The following GOLGA6L7 variants were observed in gnomAD, a reference collection of about 807,000 sequenced individuals.
The protein encoded by GOLGA6L7 is golgin subfamily A member 6-like protein 7.
In GOLGA6L7, 29 loss-of-function variants were observed where a neutral mutation model predicts 68.9. The ratio of observed to expected loss-of-function variants is 0.42; its 90% CI spans 0.31 to 0.57. GOLGA6L7 has a LOEUF of 0.57. Ranked by LOEUF, GOLGA6L7 falls within the 20% of genes least tolerant of loss-of-function variation. GOLGA6L7 has a pLI of 0.13. For missense variants in GOLGA6L7, 396 were observed against 588.4 expected, an observed-to-expected ratio of 0.67 and a Z score of 3.38; for synonymous variants, 133 against 197.4, an observed-to-expected ratio of 0.67 and a Z score of 2.73.
rs576242392 is a variant in GOLGA6L7 at position 28,848,597 on chromosome 15, C to T, written c.-48G>A. The T allele has an allele frequency of 3.4e-4, 247 of 720,534 alleles. No homozygotes were observed. The highest frequency in any genetic ancestry group is 1.4e-3 in the African/African-American group (79 of 58,096). The allele number at this position is 720,534 out of a possible 1,614,324, so 44.6% of individuals were successfully genotyped here. ...TGGGGTCACATTGGCGTGATCCAGGCGAGGACAGTGATATGCCTCCAGTCA... is the reference window on the plus strand; with the variant it reads ...TGGGGTCACATTGGCGTGATCCAGGTGAGGACAGTGATATGCCTCCAGTCA... On this transcript the variant is annotated 5_prime_UTR_variant, in exon 1 of 9. Coordinates refer to ENST00000567390, the MANE Select transcript of GOLGA6L7 (RefSeq NM_001365371.2).
Position 28,843,820 on chromosome 15 carries a change from G to C in GOLGA6L7, c.577C>G (p.Leu193Val). The C allele has an allele frequency of 1.2e-6, 1 of 819,822 alleles. No individual in the cohort carries two copies. The highest frequency in any genetic ancestry group is 1.5e-5 in the South Asian group (1 of 68,556). 50.8% of individuals were successfully genotyped at this position (819,822 alleles called of 1,614,324 possible). The change falls in exon 8 of 9, where the codon CTG (leucine) becomes GTG (valine). Residue 193 changes from leucine (L) to valine (V), a missense_variant. By Grantham distance (32) the Leu-to-Val change is conservative (BLOSUM62 1). Coordinates refer to ENST00000567390, the MANE Select transcript of GOLGA6L7 (RefSeq NM_001365371.2). Reference protein sequence around the residue: ...KNAELQEKLRLVETEKSEIQL... With the variant: ...KNAELQEKLRVVETEKSEIQL... ...ATCTCAGACTTTTCAGTTTCTACCA[G>C]TCGAAGTTTTTCTTGTAGTTCGGCA...
chr15:28,848,418 C>T (rs4493019), intron 1 of GOLGA6L7, 81 bp downstream of exon 1: 43 of 678,910 alleles, frequency 6.3e-5, no homozygotes, highest in Admixed American at 5.9e-4. Context: ...TGGAGTGACA[C>T]GGATTCTGGC....
chr15:28,845,857 CCTT>C lies in GOLGA6L7; in HGVS notation c.261+40_261+42del, dbSNP rs571085167. On this transcript the variant is annotated intron_variant, in intron 4 of 8. Coordinates refer to ENST00000567390, the MANE Select transcript of GOLGA6L7 (RefSeq NM_001365371.2). ...AAGTGCTGAAAGAGAAGCAAAGAAA[CCTT>C]CTCCAGAGGACAGGAGGGAACTTCA... 8,275 of 1,064,518 alleles carry C rather than the reference CCTT, an allele frequency of 7.8e-3. 45 individuals carry two copies. Among genetic ancestry groups the C allele is most frequent in the Admixed American group, 0.019 (994 of 52,236 alleles). 65.9% of individuals were successfully genotyped at this position (1,064,518 alleles called of 1,614,324 possible). A position where few individuals can be genotyped will look rare whatever the true frequency, so the allele number is the denominator to read the frequency against.
chr15:28,845,169 C>T, intron 6 of GOLGA6L7: 1 of 400,786 alleles, frequency 2.5e-6, no homozygotes, highest in Non-Finnish European at 4.7e-6. Flanking sequence ...CACACACGTA[C>T]ATGTGTTCCC....
chr15:28,843,934 G>C (rs1416213363), intron 7 of GOLGA6L7, 59 bp from the exon 8 acceptor site: 1 of 757,484 alleles, frequency 1.3e-6, no homozygotes, highest in African/African-American at 1.8e-5. Flanking sequence ...CCGCTTTGGT[G>C]ATCGACCCTC....
Position 28,842,569 on chromosome 15 carries a change from T to A in GOLGA6L7, c.1535A>T (p.Lys512Met), listed in dbSNP as rs2030229746. Residue 512 changes from lysine (K) to methionine (M), a missense_variant, in exon 9 of 9, where the codon AAG (lysine) becomes ATG (methionine). Physicochemically the swap from Lys to Met is moderately conservative, Grantham distance 95. Transcript: ENST00000567390. ...GATCTTCTCCTCCTCCTCCTGCATC[T>A]TCTCATACTCATCCCACAGCCTCTC... Reference protein sequence around the residue: ...KEERLWDEYEKMQEEEEKIRR... With the variant: ...KEERLWDEYEMMQEEEEKIRR... 2.4e-6 allele frequency: 3 copies of A among 1,266,810 alleles called. No homozygotes were observed. In the African/African-American group the frequency reaches 4.6e-5, roughly 20 times the overall value. 78.5% of individuals were successfully genotyped at this position (1,266,810 alleles called of 1,614,324 possible). A position where few individuals can be genotyped will look rare whatever the true frequency, so the allele number is the denominator to read the frequency against.
Position 28,842,369 on chromosome 15 carries a change from T to G in GOLGA6L7, c.1735A>C (p.Asn579His). 1 of 1,236,202 alleles carries G rather than the reference T, an allele frequency of 8.1e-7. No individual in the cohort carries two copies. Among genetic ancestry groups the G allele is most frequent in the Non-Finnish European group, 1.0e-6 (1 of 987,950 alleles). The allele number at this position is 1,236,202 out of a possible 1,614,324, so 76.6% of individuals were successfully genotyped here. Residue 579 changes from asparagine (N) to histidine (H), a missense_variant, in exon 9 of 9, where the codon AAC (asparagine) becomes CAC (histidine). By Grantham distance (68) the Asn-to-His change is moderately conservative. Around this residue, in one of 5 missense-constraint regions of GOLGA6L7, gnomAD observed 125 missense variants for 163.3 expected, o/e 0.77. Coordinates refer to ENST00000567390, the MANE Select transcript of GOLGA6L7 (RefSeq NM_001365371.2). The part of the protein sequence containing the change: ...REAGKGYSHD[N>H]RTAQIMQLPP... ...AGCTGCATGATCTGTGCAGTGCGGT[T>G]GTCATGGGAATAACCCTTCCCGGCC...
Position 28,844,732 on chromosome 15 carries a change from A to G in GOLGA6L7, c.463-469T>C, listed in dbSNP as rs147290436. Among the ~76,000 whole-genome samples the G allele has an allele frequency of 3.7e-3, 569 of 152,092 alleles. 9 individuals carry two copies. The highest frequency in any genetic ancestry group is 0.028 in the Admixed American group (423 of 15,280). ...TACTGTTATTATTACCACTGTTGGA[A>G]CCTTTCTTGAGTGCTTCACCAGGCA... is the stretch of plus-strand genomic sequence containing the variant. On this transcript the variant is annotated intron_variant, in intron 6 of 8. Coordinates refer to ENST00000567390, the MANE Select transcript of GOLGA6L7 (RefSeq NM_001365371.2).
In GOLGA6L7 at chr15:28,847,134, T is replaced by C; in HGVS notation, c.110A>G (p.Lys37Arg). The C allele has an allele frequency of 1.6e-6, 2 of 1,227,178 alleles. No individual in the cohort carries two copies. Among genetic ancestry groups the C allele is most frequent in the Non-Finnish European group, 2.3e-6 (2 of 851,608 alleles). The allele number at this position is 1,227,178 out of a possible 1,614,324, so 76.0% of individuals were successfully genotyped here. ...AGVGTGATDT[K>R]KKKINHGANP... ...AGCGCCATGATTTATTTTCTTCTTT[T>C]TGGTGTCGGTTGCTCCGGTACCAAC... The change falls in exon 2 of 9, where the codon AAA (lysine) becomes AGA (arginine). Residue 37 changes from lysine to arginine, a missense_variant. Lys to Arg is a conservative substitution (Grantham distance 26). Around this residue, in one of 5 missense-constraint regions of GOLGA6L7, gnomAD observed 18 missense variants for 56.5 expected, o/e 0.32. Transcript: ENST00000567390.
intron 8 of GOLGA6L7, 81 bp from the exon 9 acceptor site, chr15:28,843,521 A>C (rs1026225909): frequency 2.2e-6 from 1 of 459,386 alleles, no homozygotes; most frequent in Non-Finnish European, 3.7e-6. Flanking sequence ...TTCTTTAAAA[A>C]GAAATTTTAA....
At position 28,842,604 on chromosome 15, in the gene GOLGA6L7, T is replaced by C. The variant is rs1166416231; in HGVS notation, c.1500A>G (p.Gln500=). The C allele has an allele frequency of 2.5e-5, 32 of 1,286,860 alleles. No homozygotes were observed. The highest frequency in any genetic ancestry group is 7.6e-5 in the Admixed American group (2 of 26,384). 79.7% of individuals were successfully genotyped at this position (1,286,860 alleles called of 1,614,324 possible). The part of the protein sequence containing the change: ...EQMRKQVERL[Q]FKEERLWDEY... ...CATCCCACAGCCTCTCCTCCTTGAA[T>C]TGCAGCCTCTCCACCTGCTTCCGCA... Residue 500 remains glutamine, a synonymous_variant, in exon 9 of 9, where the codon CAA becomes CAG. Transcript: ENST00000567390.
Position 28,845,606 on chromosome 15 carries a change from G to A in GOLGA6L7, c.385C>T (p.His129Tyr), listed in dbSNP as rs749811088. 2.5e-6 allele frequency: 2 copies of A among 788,730 alleles called. No individual in the cohort carries two copies. The highest frequency in any genetic ancestry group is 5.1e-5 in the East Asian group (2 of 38,862). 48.9% of individuals were successfully genotyped at this position (788,730 alleles called of 1,614,324 possible). Reference protein sequence around the residue: ...EDSKDLAARLHHSWHFAGELQ... With the variant: ...EDSKDLAARLYHSWHFAGELQ... ...TCTCCTGCAAAGTGCCAGGAATGAT[G>A]CAGGCGGGCTGCCAGATCCTTGGAA... Residue 129 changes from histidine (H) to tyrosine (Y), a missense_variant, in exon 6 of 9, where the codon CAT (histidine) becomes TAT (tyrosine). By Grantham distance (83) the His-to-Tyr change is moderately conservative. Transcript: ENST00000567390.
In GOLGA6L7 at chr15:28,842,587, A is replaced by G. The variant is rs967720925; in HGVS notation, c.1517T>C (p.Leu506Pro). The G allele has an allele frequency of 7.8e-6, 10 of 1,282,380 alleles. No homozygotes were observed. The highest frequency in any genetic ancestry group is 3.8e-5 in the Admixed American group (1 of 26,378). The allele number at this position is 1,282,380 out of a possible 1,614,324, so 79.4% of individuals were successfully genotyped here. A position where few individuals can be genotyped will look rare whatever the true frequency, so the allele number is the denominator to read the frequency against. The change falls in exon 9 of 9, where the codon CTG becomes CCG. Residue 506 changes from leucine (L) to proline (P), a missense_variant. This residue lies in a region of GOLGA6L7 where 125 missense variants were observed against 163.3 expected (regional missense o/e 0.77). Coordinates refer to ENST00000567390, the MANE Select transcript of GOLGA6L7 (RefSeq NM_001365371.2). ...VERLQFKEERLWDEYEKMQEE... is the reference protein window; with the variant it reads ...VERLQFKEERPWDEYEKMQEE... ...CTGCATCTTCTCATACTCATCCCAC[A>G]GCCTCTCCTCCTTGAATTGCAGCCT...
Position 28,842,849 on chromosome 15 carries a change from C to CCAT in GOLGA6L7, c.1254_1255insATG (p.Gln418_Glu419insMet). The CCAT allele has an allele frequency of 8.0e-7, 1 of 1,243,582 alleles. No homozygotes were observed. Among genetic ancestry groups the CCAT allele is most frequent in the Non-Finnish European group, 1.0e-6 (1 of 1,002,188 alleles). 77.0% of individuals were successfully genotyped at this position (1,243,582 alleles called of 1,614,324 possible). A position where few individuals can be genotyped will look rare whatever the true frequency, so the allele number is the denominator to read the frequency against. Reference sequence around the variant, plus strand: ...TCCTCCTGCTCCCCCATCTGCTCCTCCTGCTTCCTCATCTGCTCCCCCATC... The same window carrying CCAT: ...TCCTCCTGCTCCCCCATCTGCTCCTCCATCTGCTTCCTCATCTGCTCCCCCATC... On this transcript the variant is annotated inframe_insertion, in exon 9 of 9. Transcript: ENST00000567390.
Position 28,845,631 on chromosome 15 carries a change from A to G in GOLGA6L7, c.360T>C (p.Asp120=), listed in dbSNP as rs769565681. ...SQDAARKFEE[D]SKDLAARLHH... is the part of the protein sequence containing the mutation. ...GCAGGCGGGCTGCCAGATCCTTGGA[A>G]TCTTCTGGAATGAGAGAGGTTGAGC... The change falls in exon 6 of 9, where the codon GAT becomes GAC. Residue 120 remains aspartate (D), a synonymous_variant. Coordinates refer to ENST00000567390, the MANE Select transcript of GOLGA6L7 (RefSeq NM_001365371.2). 3 of 744,784 alleles carry G rather than the reference A, an allele frequency of 4.0e-6. No homozygotes were observed. In the East Asian group the frequency reaches 7.7e-5, roughly 19 times the overall value. 46.1% of individuals were successfully genotyped at this position (744,784 alleles called of 1,614,324 possible). A position where few individuals can be genotyped will look rare whatever the true frequency, so the allele number is the denominator to read the frequency against.
rs1465216361 is a variant in GOLGA6L7, at chr15:28,845,758, T to C, written c.315A>G (p.Thr105=). 7 of 786,656 alleles carry C rather than the reference T, an allele frequency of 8.9e-6. No individual in the cohort carries two copies. In the Admixed American group the frequency reaches 1.1e-4, roughly 12 times the overall value. The allele number at this position is 786,656 out of a possible 1,614,324, so 48.7% of individuals were successfully genotyped here. A position where few individuals can be genotyped will look rare whatever the true frequency, so the allele number is the denominator to read the frequency against. ...ILMCQKTELE[T]ALHDSQDAAR... is the part of the protein sequence containing the mutation. ...CAGCATCCTGGCTGTCATGGAGCGC[T>C]GTCTCCAGTTCAGTTTTCTGACACA... Residue 105 remains threonine, a synonymous_variant, in exon 5 of 9, where the codon ACA becomes ACG. Transcript: ENST00000567390.
rs4036938 is a variant in GOLGA6L7 at position 28,844,697 on chromosome 15, T to C, written c.463-434A>G. 1.5e-3 allele frequency among the ~76,000 whole-genome samples: 231 copies of C among 152,156 alleles called. 1 individual carries two copies. Among genetic ancestry groups the C allele is most frequent in the African/African-American group, 5.3e-3 (220 of 41,438 alleles). Reference sequence around the variant, plus strand: ...GGCCCAGAGCGATCAGATAATATTGTTATTGCTATTACTGTTATTATTACC... The same window carrying C: ...GGCCCAGAGCGATCAGATAATATTGCTATTGCTATTACTGTTATTATTACC... On this transcript the variant is annotated intron_variant, in intron 6 of 8. Transcript: ENST00000567390.
intron 6 of GOLGA6L7, chr15:28,844,997 T>TA (rs1315215847): frequency 1.0e-5 from 2 of 194,684 alleles, no homozygotes; most frequent in Non-Finnish European, 2.1e-5. Flanking sequence ...GAAAGAATGA[T>TA]ACATTGGCAT....
At position 28,843,726 on chromosome 15, in the gene GOLGA6L7, C is replaced by T. The variant is rs1239917653; in HGVS notation, c.663+8G>A. The T allele has an allele frequency of 4.6e-6, 3 of 655,214 alleles. No homozygotes were observed. The highest frequency in any genetic ancestry group is 8.1e-6 in the Non-Finnish European group (3 of 368,358). The allele number at this position is 655,214 out of a possible 1,614,324, so 40.6% of individuals were successfully genotyped here. The stretch of plus-strand genomic sequence containing the variant: ...GGCTCCCACACCCCCGGGGCTGCCG[C>T]CGCTCACCTGTGGCAGCGGGATTTT... On this transcript the variant is annotated splice_region_variant and intron_variant, in intron 8 of 8. Transcript: ENST00000567390.
Sources: allele counts gnomAD v4.1 joint callset (sites outside exome capture counted in the v4.1 genomes callset), GRCh38; gene constraint gnomAD v4.1.1; regional missense constraint gnomAD v4.1.1; transcripts MANE v1.5; gene names NCBI Gene and HGNC (gene_info 2026-07-23, HGNC 2026-07-21).